TMEM132D: variants seen among roughly 807,000 people sequenced by gnomAD.
The protein encoded by TMEM132D is mature OL transmembrane protein.
Under a neutral mutation model 62.3 loss-of-function variants are expected in TMEM132D, and 21 were observed. The observed-to-expected ratio is 0.34, with a 90% confidence interval of 0.24 to 0.49. TMEM132D has a LOEUF of 0.49. Among genes scored for constraint, TMEM132D ranks in the 20% least tolerant of loss-of-function variants. The pLI is 0.99. For missense variants in TMEM132D, 1,346 were observed against 1,402.8 expected, an observed-to-expected ratio of 0.96 and a Z score of 0.65; for synonymous variants, 621 against 575.6, an observed-to-expected ratio of 1.08 and a Z score of -1.13.
At chr12:129,809,506 A>G (rs1416257851) in intron 1 of TMEM132D, among the ~76,000 whole-genome samples, 2 of 151,582 alleles carry the variant, frequency 1.3e-5, no homozygotes, top group Non-Finnish European at 2.9e-5. Context: ...CTGGAAGGTA[A>G]CCTCCTGCCG....
At chr12:129,524,920 C>CTTTTTTTTTTTTTTTTT (rs761892015) in intron 3 of TMEM132D, among the ~76,000 whole-genome samples, 1 of 92,170 alleles carries the variant, frequency 1.1e-5, no homozygotes, top group Non-Finnish European at 2.0e-5. Flanking sequence ...ATATTTTTTT[C>CTTTTTTTTTTTTTTTTT]TTTTTTCTTT....
At chr12:129,895,303 C>A (rs1347839427) in intron 1 of TMEM132D, among the ~76,000 whole-genome samples, 2 of 152,220 alleles carry the variant, frequency 1.3e-5, no homozygotes, top group African/African-American at 2.4e-5. Context: ...AAATCTCTAT[C>A]TTTACTCCAC....
intron 1 of TMEM132D, among the ~76,000 whole-genome samples, chr12:129,701,939 G>A (rs1005224777): frequency 6.6e-6 from 1 of 152,184 alleles, no homozygotes; most frequent in African/African-American, 2.4e-5. Flanking sequence ...CCAAGAGCTC[G>A]GAGGCAGGGG....
intron 2 of TMEM132D, among the ~76,000 whole-genome samples, chr12:129,679,480 G>C (rs964367493): frequency 6.6e-6 from 1 of 151,702 alleles, no homozygotes; most frequent in African/African-American, 2.4e-5. Flanking sequence ...TTTCTTTCTG[G>C]GATTCTCAGC....
chr12:129,723,856 T>C (rs1274542154), intron 1 of TMEM132D, among the ~76,000 whole-genome samples: 3 of 152,152 alleles, frequency 2.0e-5, no homozygotes, highest in Non-Finnish European at 2.9e-5. Flanking sequence ...CAAAATACAA[T>C]GTGGTTTTCC....
intron 3 of TMEM132D, among the ~76,000 whole-genome samples, chr12:129,502,288 G>C (rs566948600): frequency 6.6e-6 from 1 of 152,174 alleles, no homozygotes; most frequent in Non-Finnish European, 1.5e-5. Flanking sequence ...CGTGAGCCAC[G>C]GCGCCCGGCC....
At chr12:129,605,646 C>CAA (rs1878605458) in intron 2 of TMEM132D, among the ~76,000 whole-genome samples, 4 of 119,468 alleles carry the variant, frequency 3.3e-5, no homozygotes, top group African/African-American at 9.4e-5. Flanking sequence ...CACACACACA[C>CAA]AAATATACAT....
At chr12:129,184,122 G>A (rs1431340084) in intron 5 of TMEM132D, among the ~76,000 whole-genome samples, 3 of 152,152 alleles carry the variant, frequency 2.0e-5, no homozygotes, top group Non-Finnish European at 2.9e-5. Flanking sequence ...ACCCACTCAT[G>A]TCACCGTCTC....
rs555776327 is a variant in TMEM132D at position 129,321,886 on chromosome 12, C to G, written c.1299+15748G>C. The stretch of plus-strand genomic sequence containing the variant: ...GGCAGACCTTTTCAGTCCATCCATG[C>G]GTGGGACGAATGTTTCCTTCCTGCT... On this transcript the variant is annotated intron_variant, in intron 4 of 8. Transcript: ENST00000422113. Among the ~76,000 whole-genome samples, 3 of 152,302 alleles carry G rather than the reference C, an allele frequency of 2.0e-5. No individual in the cohort carries two copies. In the South Asian group the frequency reaches 6.2e-4, roughly 32 times the overall value.
chr12:129,624,846 G>A (rs1160722830), intron 2 of TMEM132D, among the ~76,000 whole-genome samples: 2 of 152,116 alleles, frequency 1.3e-5, no homozygotes, highest in African/African-American at 2.4e-5. Context: ...GGCAGTCCAT[G>A]CTGTGCTCCA....
In TMEM132D at chr12:129,308,369, T is replaced by C. The variant is rs116077658; in HGVS notation, c.1299+29265A>G. 6.9e-3 allele frequency among the ~76,000 whole-genome samples: 1,049 copies of C among 152,278 alleles called. 9 individuals are homozygous for C. The highest frequency in any genetic ancestry group is 0.022 in the African/African-American group (932 of 41,562). On this transcript the variant is annotated intron_variant, in intron 4 of 8. Transcript: ENST00000422113. Reference sequence around the variant, plus strand: ...TCCATAAAGTATCTGCATGGGTGAATAAAGAAAACTCTACAAAGGATTTTT... The same window carrying C: ...TCCATAAAGTATCTGCATGGGTGAACAAAGAAAACTCTACAAAGGATTTTT...
intron 2 of TMEM132D, among the ~76,000 whole-genome samples, chr12:129,552,781 GTACC>G (rs1876936441): frequency 6.6e-6 from 1 of 151,692 alleles, no homozygotes; most frequent in Non-Finnish European, 1.5e-5. Flanking sequence ...ATCTAGCTAC[GTACC>G]TACCTATTAC....
chr12:129,694,446 T>C (rs2137219479), intron 2 of TMEM132D, among the ~76,000 whole-genome samples: 1 of 152,304 alleles, frequency 6.6e-6, no homozygotes, highest in African/African-American at 2.4e-5. Context: ...AAATATGGCC[T>C]GAGAAGGACT....
chr12:129,537,176 T>G (rs1463198682), intron 2 of TMEM132D, among the ~76,000 whole-genome samples: 1 of 70,578 alleles, frequency 1.4e-5, no homozygotes, highest in Non-Finnish European at 3.0e-5. Context: ...AAAAAAAAAT[T>G]CATATGCAAC....
chr12:129,738,322 A>T (rs1377748893), intron 1 of TMEM132D, among the ~76,000 whole-genome samples: 2 of 152,164 alleles, frequency 1.3e-5, no homozygotes, highest in South Asian at 4.1e-4. Flanking sequence ...AGGGAAAAAA[A>T]GGAGACAGAG....
intron 5 of TMEM132D, chr12:129,084,907 C>CAGAGAGCACCTT: frequency 1.7e-6 from 1 of 572,872 alleles, no homozygotes. Context: ...GAAAGGTGCT[C>CAGAGAGCACCTT]TCTGAGTACC....
At chr12:129,814,925 C>T (rs1471606840) in intron 1 of TMEM132D, among the ~76,000 whole-genome samples, 2 of 152,122 alleles carry the variant, frequency 1.3e-5, no homozygotes, top group Non-Finnish European at 2.9e-5. Flanking sequence ...TCCAGACAAA[C>T]CTAGCATAAG....
chr12:129,452,795 C>T (rs1173057729), intron 3 of TMEM132D, among the ~76,000 whole-genome samples: 3 of 152,196 alleles, frequency 2.0e-5, no homozygotes, highest in African/African-American at 7.2e-5. Flanking sequence ...ATTTACCCTT[C>T]TCCCTGCACT....
At chr12:129,798,527 A>G (rs1203353790) in intron 1 of TMEM132D, among the ~76,000 whole-genome samples, 1 of 152,222 alleles carries the variant, frequency 6.6e-6, no homozygotes. Flanking sequence ...AAAAAAATTA[A>G]GTTAAATGGT....
Sources: gnomAD v4.1 joint callset for allele counts (sites outside exome capture counted in the v4.1 genomes callset) on GRCh38, gnomAD v4.1.1 for gene constraint, MANE v1.5 for transcripts, NCBI Gene and HGNC (gene_info 2026-07-23, HGNC 2026-07-21) for gene names.